MAGI2: variants seen among roughly 807,000 people sequenced by gnomAD.
MAGI2 encodes membrane-associated guanylate kinase, WW and PDZ domain-containing protein 2.
Under a neutral mutation model 133.3 loss-of-function variants are expected in MAGI2, and 35 were observed. The observed-to-expected ratio is 0.26, with a 90% CI of 0.20 to 0.35. MAGI2 has a LOEUF of 0.35. Among genes scored for constraint, MAGI2 ranks in the 10% least tolerant of loss-of-function variants. MAGI2 has a pLI of 1.00. For synonymous variants in MAGI2, 729 were observed against 710.6 expected, an observed-to-expected ratio of 1.03 and a Z score of -0.41; for missense variants, 1,636 against 1,863.4, an observed-to-expected ratio of 0.88 and a Z score of 2.25.
At chr7:79,155,416 G>C (rs957690387) in intron 1 of MAGI2, among the ~76,000 whole-genome samples, 1 of 152,030 alleles carries the variant, frequency 6.6e-6, no homozygotes, top group Non-Finnish European at 1.5e-5. Flanking sequence ...TAGTGGGGAG[G>C]GGGGCCATGG....
chr7:78,932,458 G>T (rs1334207783), intron 2 of MAGI2, among the ~76,000 whole-genome samples: 1 of 151,408 alleles, frequency 6.6e-6, no homozygotes, highest in Non-Finnish European at 1.5e-5. Context: ...GAAAGAGAAA[G>T]ATAAATCATT....
intron 2 of MAGI2, among the ~76,000 whole-genome samples, chr7:78,657,314 C>T (rs1343542663): frequency 6.6e-6 from 1 of 152,134 alleles, no homozygotes; most frequent in Non-Finnish European, 1.5e-5. Flanking sequence ...CTAGCAATTA[C>T]ACTCCTTGAT....
At chr7:78,459,654 C>T (rs775519518) in intron 6 of MAGI2, among the ~76,000 whole-genome samples, 2 of 152,286 alleles carry the variant, frequency 1.3e-5, no homozygotes, top group Admixed American at 6.5e-5. Context: ...TAATTGAACA[C>T]TTTATTTTCA....
intron 1 of MAGI2, among the ~76,000 whole-genome samples, chr7:79,100,985 C>T (rs1817923751): frequency 6.6e-6 from 1 of 151,960 alleles, no homozygotes; most frequent in Admixed American, 6.6e-5. Context: ...AATTATGTTA[C>T]ATTGATTTTA....
intron 10 of MAGI2, among the ~76,000 whole-genome samples, chr7:78,210,284 C>T (rs1787643248): frequency 6.6e-6 from 1 of 152,102 alleles, no homozygotes; most frequent in African/African-American, 2.4e-5. Context: ...AATTGAATGG[C>T]TCAGTAATGG....
chr7:78,236,294 T>C (rs1213120431), intron 10 of MAGI2, among the ~76,000 whole-genome samples: 1 of 152,144 alleles, frequency 6.6e-6, no homozygotes, highest in Non-Finnish European at 1.5e-5. Flanking sequence ...CGAATGATGA[T>C]AGGTTGCTTG....
chr7:78,693,229 A>T (rs1817153663), intron 2 of MAGI2, among the ~76,000 whole-genome samples: 1 of 152,222 alleles, frequency 6.6e-6, no homozygotes, highest in South Asian at 2.1e-4. Flanking sequence ...AATGCCTGTC[A>T]CATAGTGCTT....
intron 6 of MAGI2, among the ~76,000 whole-genome samples, chr7:78,418,225 T>C (rs1292138903): frequency 6.6e-6 from 1 of 152,174 alleles, no homozygotes; most frequent in South Asian, 2.1e-4. Flanking sequence ...ATATTCACTA[T>C]TGGAAGAATG....
intron 5 of MAGI2, among the ~76,000 whole-genome samples, chr7:78,491,508 C>T (rs1793600853): frequency 6.6e-6 from 1 of 152,042 alleles, no homozygotes; most frequent in Non-Finnish European, 1.5e-5. Flanking sequence ...TGATAAATGC[C>T]TCTCAACAGG....
chr7:79,301,703 G>T (rs1837408209), intron 1 of MAGI2, among the ~76,000 whole-genome samples: 1 of 152,216 alleles, frequency 6.6e-6, no homozygotes. Context: ...AAGTGAAAAG[G>T]ACATAAGATT....
chr7:78,082,825 C>G lies in MAGI2; in HGVS notation c.3568-3740G>C, dbSNP rs191142178. On this transcript the variant is annotated intron_variant, in intron 20 of 21. Coordinates refer to ENST00000354212, the MANE Select transcript of MAGI2 (RefSeq NM_012301.4). The stretch of plus-strand genomic sequence containing the variant: ...TGGTTTCAATGGCAACAGACTCAGT[C>G]CAGACCTGGCTTCAAGACTTCCATC... 4.5e-4 allele frequency among the ~76,000 whole-genome samples: 69 copies of G among 152,248 alleles called. 1 individual carries two copies. In the East Asian group the frequency reaches 0.012, roughly 27 times the overall value.
chr7:78,146,792 C>T (rs2150571508), intron 16 of MAGI2, among the ~76,000 whole-genome samples: 1 of 152,258 alleles, frequency 6.6e-6, no homozygotes, highest in Middle Eastern at 3.4e-3. Flanking sequence ...CTCATTTTTA[C>T]AGATCCAGTG....
chr7:78,589,130 G>A (rs1410445699), intron 3 of MAGI2, among the ~76,000 whole-genome samples: 3 of 152,018 alleles, frequency 2.0e-5, no homozygotes, highest in South Asian at 2.1e-4. Flanking sequence ...ATAATTTTAC[G>A]GTCTGGCCAT....
chr7:78,179,635 A>ATGCACACAT (rs1826997085), intron 13 of MAGI2, among the ~76,000 whole-genome samples: 1 of 152,220 alleles, frequency 6.6e-6, no homozygotes, highest in Non-Finnish European at 1.5e-5. Flanking sequence ...TTTATGACCA[A>ATGCACACAT]ATGCACACAT....
intron 1 of MAGI2, among the ~76,000 whole-genome samples, chr7:79,057,003 G>A (rs1444253354): frequency 6.6e-6 from 1 of 152,162 alleles, no homozygotes; most frequent in Non-Finnish European, 1.5e-5. Context: ...ATCTGAAGAA[G>A]TCCTCCTGTG....
intron 1 of MAGI2, among the ~76,000 whole-genome samples, chr7:79,032,612 A>G (rs1300240529): frequency 1.3e-5 from 2 of 152,022 alleles, no homozygotes; most frequent in Non-Finnish European, 2.9e-5. Flanking sequence ...CCATCAACTT[A>G]TTATGAAATG....
chr7:78,378,524 T>G (rs1225264576), intron 6 of MAGI2, among the ~76,000 whole-genome samples: 2 of 151,684 alleles, frequency 1.3e-5, no homozygotes, highest in Admixed American at 1.3e-4. Flanking sequence ...AAAATCAAAT[T>G]AACATTAAAT....
At chr7:79,265,594 T>A (rs2129556778) in intron 1 of MAGI2, among the ~76,000 whole-genome samples, 1 of 152,308 alleles carries the variant, frequency 6.6e-6, no homozygotes, top group South Asian at 2.1e-4. Context: ...ATGTGTATGA[T>A]CATATGTACC....
rs138690961 is a variant in MAGI2 at position 79,301,625 on chromosome 7, C to T, written c.301+151395G>A. Among the ~76,000 whole-genome samples, 60 of 152,222 alleles carry T rather than the reference C, an allele frequency of 3.9e-4. No individual in the cohort carries two copies. The East Asian group carries it at 0.011, about 28-fold the overall frequency. On this transcript the variant is annotated intron_variant, in intron 1 of 21. Coordinates refer to ENST00000354212, the MANE Select transcript of MAGI2 (RefSeq NM_012301.4). ...CTCAGATGAGACTTTGGACTTTGAA[C>T]TTTTTGGTTAATGCTAGAACAAGCT...
Sources: allele counts gnomAD v4.1 joint callset (sites outside exome capture counted in the v4.1 genomes callset), GRCh38; gene constraint gnomAD v4.1.1; transcripts MANE v1.5; gene names NCBI Gene and HGNC (gene_info 2026-07-23, HGNC 2026-07-21).